PRKG1: variants seen among roughly 807,000 people sequenced by gnomAD.
The protein encoded by PRKG1 is protein kinase cGMP-dependent 1, also known as cGMP-dependent protein kinase 1.
Under a neutral mutation model 88.1 loss-of-function variants are expected in PRKG1, and 35 were observed. That is an observed-to-expected ratio of 0.40 (90% CI 0.30 to 0.53). PRKG1 has a LOEUF of 0.53. Ranked by LOEUF, PRKG1 falls within the 20% of genes least tolerant of loss-of-function variation. The pLI is 0.59. For synonymous variants in PRKG1, 303 were observed against 292.5 expected, an observed-to-expected ratio of 1.04 and a Z score of -0.37; for missense variants, 540 against 839.8, an observed-to-expected ratio of 0.64 and a Z score of 4.41.
In PRKG1 at chr10:51,659,296, A is replaced by G. The variant is rs191313436; in HGVS notation, c.593-145289A>G. 5.0e-3 allele frequency among the ~76,000 whole-genome samples: 768 copies of G among 152,192 alleles called. 4 individuals carry two copies. The highest frequency in any genetic ancestry group is 0.018 in the African/African-American group (730 of 41,546). ...ACACACAGGGATGACAGTTCGCTCA[A>G]ATGTGCTACAGAGGGTAATCATTGT... On this transcript the variant is annotated intron_variant, in intron 3 of 17. Coordinates refer to ENST00000373980, the MANE Select transcript of PRKG1 (RefSeq NM_006258.4).
At chr10:51,299,129 G>C (rs913878583) in intron 2 of PRKG1, among the ~76,000 whole-genome samples, 4 of 152,104 alleles carry the variant, frequency 2.6e-5, no homozygotes, top group Non-Finnish European at 5.9e-5. Flanking sequence ...ACACTTACCT[G>C]TCTTTTTGCC....
intron 5 of PRKG1, among the ~76,000 whole-genome samples, chr10:51,926,281 T>C (rs1842572888): frequency 6.6e-6 from 1 of 151,988 alleles, no homozygotes; most frequent in Admixed American, 6.6e-5. Context: ...CAGTGAGGAA[T>C]AGGAAAGAAA....
At chr10:51,264,366 A>G (rs1839788386) in intron 2 of PRKG1, among the ~76,000 whole-genome samples, 1 of 152,208 alleles carries the variant, frequency 6.6e-6, no homozygotes, top group Non-Finnish European at 1.5e-5. Context: ...GGCTTCATAT[A>G]TTGTGTACCA....
intron 4 of PRKG1, among the ~76,000 whole-genome samples, chr10:51,867,513 A>G (rs540288397): frequency 6.6e-6 from 1 of 152,284 alleles, no homozygotes; most frequent in East Asian, 1.9e-4. Context: ...AAATGGAAAT[A>G]CACAGATGGA....
chr10:51,702,319 C>T (rs1213382605), intron 3 of PRKG1, among the ~76,000 whole-genome samples: 1 of 152,094 alleles, frequency 6.6e-6, no homozygotes, highest in Non-Finnish European at 1.5e-5. Context: ...CCAGTGTGAC[C>T]CACCATGTAA....
At chr10:51,883,239 G>A (rs1054373473) in intron 4 of PRKG1, among the ~76,000 whole-genome samples, 1 of 152,214 alleles carries the variant, frequency 6.6e-6, no homozygotes, top group African/African-American at 2.4e-5. Context: ...TTGGACTCTA[G>A]CTGAATTACA....
At chr10:52,180,917 T>G (rs904341428) in intron 9 of PRKG1, among the ~76,000 whole-genome samples, 4 of 152,088 alleles carry the variant, frequency 2.6e-5, no homozygotes, top group Non-Finnish European at 4.4e-5. Flanking sequence ...TTAGTCCTGG[T>G]ACATGGCTGC....
intron 9 of PRKG1, among the ~76,000 whole-genome samples, chr10:52,240,590 A>G (rs1320716858): frequency 6.6e-6 from 1 of 152,170 alleles, no homozygotes; most frequent in African/African-American, 2.4e-5. Context: ...TCATAGAACA[A>G]TGCCAAATTT....
chr10:51,422,146 A>G (rs1838434284), intron 2 of PRKG1, among the ~76,000 whole-genome samples: 1 of 152,228 alleles, frequency 6.6e-6, no homozygotes, highest in South Asian at 2.1e-4. Context: ...CATGAAGGAA[A>G]GTGAGGAACT....
At chr10:51,896,388 G>T (rs1841846467) in intron 4 of PRKG1, among the ~76,000 whole-genome samples, 1 of 151,872 alleles carries the variant, frequency 6.6e-6, no homozygotes, top group South Asian at 2.1e-4. Context: ...ACTCTATGCA[G>T]AAGGTGATAT....
intron 2 of PRKG1, among the ~76,000 whole-genome samples, chr10:51,196,911 A>G (rs1837782180): frequency 1.3e-5 from 2 of 152,208 alleles, no homozygotes; most frequent in South Asian, 4.1e-4. Context: ...TTTGTGTTTC[A>G]TAACAAGCAT....
chr10:51,137,051 A>AT (rs1285025051), intron 1 of PRKG1, among the ~76,000 whole-genome samples: 11 of 151,938 alleles, frequency 7.2e-5, no homozygotes, highest in African/African-American at 1.2e-4. Context: ...TGCCTGGCTA[A>AT]TTTTTTTGTG....
intron 2 of PRKG1, among the ~76,000 whole-genome samples, chr10:51,202,027 A>G (rs895583521): frequency 1.3e-5 from 2 of 152,286 alleles, no homozygotes; most frequent in African/African-American, 2.4e-5. Context: ...TCTGTGAGCT[A>G]TTAGAGGTGT....
intron 3 of PRKG1, among the ~76,000 whole-genome samples, chr10:51,508,398 T>C (rs1841290474): frequency 6.6e-6 from 1 of 152,150 alleles, no homozygotes; most frequent in Non-Finnish European, 1.5e-5. Flanking sequence ...GAAAGAACCC[T>C]GGGCAAGGGT....
At chr10:52,133,987 G>T in intron 8 of PRKG1, 82 bp downstream of exon 8, 2 of 1,046,898 alleles carry the variant, frequency 1.9e-6, no homozygotes, top group Non-Finnish European at 2.9e-6. Flanking sequence ...ATCATTTTAT[G>T]GAGCTATTAA....
chr10:51,657,060 A>C (rs558529923), intron 3 of PRKG1, among the ~76,000 whole-genome samples: 3 of 152,294 alleles, frequency 2.0e-5, no homozygotes, highest in Admixed American at 6.5e-5. Flanking sequence ...AAAATGGATT[A>C]ATATATGTCA....
chr10:51,884,462 A>G (rs1370284808), intron 4 of PRKG1, among the ~76,000 whole-genome samples: 2 of 145,356 alleles, frequency 1.4e-5, no homozygotes, highest in Non-Finnish European at 3.0e-5. Flanking sequence ...AAAAAAAAAA[A>G]AAAAAAAAGA....
chr10:52,255,255 G>A (rs1475380614), intron 10 of PRKG1, among the ~76,000 whole-genome samples: 2 of 151,956 alleles, frequency 1.3e-5, no homozygotes, highest in African/African-American at 4.8e-5. Flanking sequence ...AAATAAGGAG[G>A]TTGTTTTACA....
At chr10:51,940,008 G>T (rs1289397281) in intron 5 of PRKG1, among the ~76,000 whole-genome samples, 2 of 151,794 alleles carry the variant, frequency 1.3e-5, no homozygotes, top group Non-Finnish European at 2.9e-5. Context: ...TACTGCCTTT[G>T]AATTAAAATT....
Sources: allele counts gnomAD v4.1 joint callset (sites outside exome capture counted in the v4.1 genomes callset), GRCh38; gene constraint gnomAD v4.1.1; transcripts MANE v1.5; gene names NCBI Gene and HGNC (gene_info 2026-07-23, HGNC 2026-07-21).